Variants in GAK observed in about 807,000 individuals in gnomAD.
GAK encodes cyclin G associated kinase.
In GAK, 79 loss-of-function variants were observed where a neutral mutation model predicts 143.9. The observed-to-expected ratio is 0.55, with a 90% CI of 0.46 to 0.66. The LOEUF (loss-of-function observed/expected upper bound fraction) is 0.66, where lower values mean the gene tolerates loss of function less well. Ranked by LOEUF, GAK falls within the 30% of genes least tolerant of loss-of-function variation. The probability of loss-of-function intolerance (pLI) is 0.00; values close to 1 mark genes in which losing one functional copy is unlikely to be tolerated. For synonymous variants in GAK, 881 were observed against 765.5 expected (o/e 1.15, Z -2.49); for missense variants, 1,693 against 1,779.7 (o/e 0.95, Z 0.88).
chr4:859,374 G>A, intron 24 of GAK: 1 of 1,477,484 alleles, frequency 6.8e-7, no homozygotes. Flanking sequence ...CAATGCCGGT[G>A]GGGGCTGGCA....
intron 1 of GAK, among the ~76,000 whole-genome samples, chr4:923,069 T>G (rs1724151638): frequency 6.6e-6 from 1 of 152,138 alleles, no homozygotes; most frequent in African/African-American, 2.4e-5. Flanking sequence ...ACTAGAGGTT[T>G]CCAGAGGGTA....
intron 18 of GAK, among the ~76,000 whole-genome samples, chr4:876,008 C>T (rs914764309): frequency 7.2e-5 from 11 of 152,204 alleles, no homozygotes; most frequent in South Asian, 2.1e-4. Context: ...TGCTGCTCAC[C>T]GCATCTGCAC....
intron 18 of GAK, among the ~76,000 whole-genome samples, chr4:872,960 G>A (rs1713016124): frequency 6.6e-6 from 1 of 151,292 alleles, no homozygotes; most frequent in Non-Finnish European, 1.5e-5. Context: ...CAGGGAACAC[G>A]CCTCTCGCCC....
chr4:865,934 G>A (rs1031067748), intron 22 of GAK, among the ~76,000 whole-genome samples: 12 of 152,232 alleles, frequency 7.9e-5, no homozygotes, highest in African/African-American at 1.9e-4. Flanking sequence ...CCATGGATAC[G>A]GTGCCCCACG....
At chr4:865,368 G>T in intron 22 of GAK, 124 bp from the exon 23 acceptor site, 1 of 1,238,740 alleles carries the variant, frequency 8.1e-7, no homozygotes, top group Non-Finnish European at 1.1e-6. Context: ...CTGAGCTGAG[G>T]CTGGGCTGAC....
In GAK at chr4:867,278, G is replaced by C. The variant is rs756887055; in HGVS notation, c.2550C>G (p.Pro850=). ...GQEPRADPEP[P]GLAAGLVQQD... is the part of the protein sequence containing the mutation. ...GCTGCACCAGCCCTGCTGCCAGGCC[G>C]GGGGGCTCTGGGTCGGCCCTGGGTT... Residue 850 remains proline (P), a synonymous_variant, in exon 21 of 28, where the codon CCC becomes CCG. Coordinates refer to ENST00000314167, the MANE Select transcript of GAK (RefSeq NM_005255.4). 1.1e-5 allele frequency: 17 copies of C among 1,612,494 alleles called. No individual in the cohort carries two copies. Among genetic ancestry groups the C allele is most frequent in the Non-Finnish European group, 1.4e-5 (17 of 1,179,286 alleles).
intron 1 of GAK, among the ~76,000 whole-genome samples, chr4:918,569 C>T (rs1034971560): frequency 6.6e-6 from 1 of 152,256 alleles, no homozygotes; most frequent in African/African-American, 2.4e-5. Flanking sequence ...TGATGCAGTA[C>T]ATGTGTTAAC....
chr4:862,390 T>C (rs1298368325), intron 23 of GAK, among the ~76,000 whole-genome samples: 1 of 152,246 alleles, frequency 6.6e-6, no homozygotes, highest in Non-Finnish European at 1.5e-5. Flanking sequence ...AGATCACTGA[T>C]GATCTCACGC....
intron 9 of GAK, among the ~76,000 whole-genome samples, chr4:891,034 C>T (rs1051534227): frequency 4.6e-5 from 7 of 151,904 alleles, no homozygotes; most frequent in African/African-American, 1.4e-4. Context: ...CTCAGCTCAC[C>T]GCAACCTCCG....
chr4:880,735 G>A (rs1714932748), intron 15 of GAK, among the ~76,000 whole-genome samples: 1 of 152,236 alleles, frequency 6.6e-6, no homozygotes, highest in Non-Finnish European at 1.5e-5. Flanking sequence ...GGCCAGTGAT[G>A]TGAAAAGGCC....
At chr4:858,043 T>A (rs539981707) in intron 24 of GAK, among the ~76,000 whole-genome samples, 1 of 152,298 alleles carries the variant, frequency 6.6e-6, no homozygotes, top group East Asian at 1.9e-4. Context: ...AGTGTGAAGA[T>A]TCTTCCGTTC....
At chr4:914,000 C>A (rs1412408984) in intron 1 of GAK, 2 of 148,322 alleles carry the variant, frequency 1.3e-5, no homozygotes, top group Non-Finnish European at 1.2e-5. Context: ...CCAGCGTGCA[C>A]GGCCCCACAC....
In GAK at chr4:859,433, C is replaced by T. The variant is rs73064403; in HGVS notation, c.3283+173G>A. ...CGGTTTTAGCTTGCCAGTTGGCAGT[C>T]GCCTGGAACAGGTGCAGACACGCTG... On this transcript the variant is annotated intron_variant, in intron 24 of 27. Coordinates refer to ENST00000314167, the MANE Select transcript of GAK (RefSeq NM_005255.4). The T allele has an allele frequency of 5.3e-4, 826 of 1,571,582 alleles. 3 individuals are homozygous for T. In the African/African-American group the frequency reaches 0.01, roughly 19 times the overall value.
intron 24 of GAK, among the ~76,000 whole-genome samples, chr4:855,031 G>A (rs1047133843): frequency 2.6e-5 from 4 of 152,174 alleles, no homozygotes; most frequent in Non-Finnish European, 5.9e-5. Context: ...GCGACAGAGC[G>A]AGGCTCCATC....
chr4:904,439 G>A (rs532401544), intron 5 of GAK, among the ~76,000 whole-genome samples, 198 bp downstream of exon 5: 23 of 148,542 alleles, frequency 1.5e-4, no homozygotes, highest in Non-Finnish European at 2.5e-4. Context: ...CTAACCGAGC[G>A]GGACCCGCAC....
intron 4 of GAK, among the ~76,000 whole-genome samples, chr4:905,507 G>A (rs575685629): frequency 4.7e-5 from 7 of 149,146 alleles, no homozygotes; most frequent in African/African-American, 7.5e-5. Context: ...CCCATGCCAC[G>A]CTACGGACTC....
intron 4 of GAK, among the ~76,000 whole-genome samples, chr4:910,562 C>T (rs1721870008): frequency 1.3e-5 from 2 of 152,152 alleles, no homozygotes; most frequent in South Asian, 4.1e-4. Context: ...CCCACCCCTA[C>T]CTGTCCCTTC....
chr4:858,296 T>C (rs75611648), intron 24 of GAK, among the ~76,000 whole-genome samples: 3,705 of 152,302 alleles, frequency 0.024, 140 homozygotes, highest in African/African-American at 0.083. Context: ...CCTTCAGTTG[T>C]ATCGGCTTTG....
chr4:895,326 AG>A (rs1303710955), intron 7 of GAK, among the ~76,000 whole-genome samples: 1 of 152,246 alleles, frequency 6.6e-6, no homozygotes, highest in Non-Finnish European at 1.5e-5. Context: ...CTTCGGCATC[AG>A]GATCTTATCC....
Sources: allele counts gnomAD v4.1 joint callset (sites outside exome capture counted in the v4.1 genomes callset), GRCh38; gene constraint gnomAD v4.1.1; transcripts MANE v1.5; gene names NCBI Gene and HGNC (gene_info 2026-07-23, HGNC 2026-07-21).